TATDN2: variants seen among roughly 807,000 people sequenced by gnomAD.
TATDN2 encodes TatD DNase domain containing 2, also known as 3'-5' RNA nuclease TATDN2.
Under a neutral mutation model 60.3 loss-of-function variants are expected in TATDN2, and 44 were observed. The ratio of observed to expected loss-of-function variants is 0.73; its 90% CI spans 0.57 to 0.94. The LOEUF (loss-of-function observed/expected upper bound fraction) is 0.94. TATDN2 is among the 40% of genes least tolerant of loss of function. The pLI, the probability that TATDN2 is intolerant of heterozygous loss-of-function variation, is 0.00. For synonymous variants in TATDN2, 399 were observed against 355.8 expected, an observed-to-expected ratio of 1.12 and a Z score of -1.37; for missense variants, 997 against 948.0, an observed-to-expected ratio of 1.05 and a Z score of -0.68.
At chr3:10,258,791 T>TC (rs1397236188) in intron 2 of TATDN2, among the ~76,000 whole-genome samples, 3 of 152,040 alleles carry the variant, frequency 2.0e-5, no homozygotes, top group Non-Finnish European at 4.4e-5. Flanking sequence ...TCTTTCTACT[T>TC]CCCTGCATTC....
At chr3:10,251,741 C>G (rs554736722) in intron 2 of TATDN2, among the ~76,000 whole-genome samples, 1 of 152,158 alleles carries the variant, frequency 6.6e-6, no homozygotes, top group Admixed American at 6.5e-5. Flanking sequence ...ATTTCCCAGG[C>G]TGAAGTGCAG....
In TATDN2 at chr3:10,270,439, T is replaced by C; in HGVS notation, c.1257T>C (p.Tyr419=). The C allele has an allele frequency of 6.2e-7, 1 of 1,614,198 alleles. No homozygotes were observed. The highest frequency in any genetic ancestry group is 8.5e-7 in the Non-Finnish European group (1 of 1,180,028). ...GKSSRSRMSD[Y]SPNSTGSVQN... ...GCAGCCGGAGCCGCATGAGTGATTATTCCCCCAACTCTACAGGGAGTGTCC... is the reference window on the plus strand; with the variant it reads ...GCAGCCGGAGCCGCATGAGTGATTACTCCCCCAACTCTACAGGGAGTGTCC... Residue 419 remains tyrosine, a synonymous_variant, in exon 4 of 8, where the codon TAT becomes TAC. Coordinates refer to ENST00000448281, the MANE Select transcript of TATDN2 (RefSeq NM_014760.4).
intron 2 of TATDN2, among the ~76,000 whole-genome samples, chr3:10,250,172 TTTTTTTTTTTC>T (rs1698200087): frequency 6.6e-6 from 1 of 151,760 alleles, no homozygotes; most frequent in Admixed American, 6.6e-5. Context: ...GTGCTAGTTT[TTTTTTTTTTTC>T]TTTTTTTTTT....
At chr3:10,250,361 G>GC in intron 2 of TATDN2, among the ~76,000 whole-genome samples, 1 of 151,926 alleles carries the variant, frequency 6.6e-6, no homozygotes, top group Admixed American at 6.6e-5. Flanking sequence ...CAATGTTCTA[G>GC]GTGTTTGGGA....
chr3:10,278,767 G>T lies in TATDN2; in HGVS notation c.2146-118G>T. The T allele has an allele frequency of 6.8e-7, 1 of 1,479,390 alleles. No individual in the cohort carries two copies. Among genetic ancestry groups the T allele is most frequent in the Non-Finnish European group, 9.3e-7 (1 of 1,079,140 alleles). The allele number at this position is 1,479,390 out of a possible 1,614,324, so 91.6% of individuals were successfully genotyped here. A position where few individuals can be genotyped will look rare whatever the true frequency, so the allele number is the denominator to read the frequency against. ...ACTCTCCCTGCACCTGCAGGTAAAG[G>T]GGTCTCTACAGGGCAGCCCCAAAGA... is the stretch of plus-strand genomic sequence containing the variant. On this transcript the variant is annotated intron_variant, in intron 6 of 7. Transcript: ENST00000448281. This position sits in a 1 kb window ranked among gnomAD's most constrained non-coding sequence, Gnocchi z 4.7.
chr3:10,259,972 G>T (rs1698374688), intron 2 of TATDN2, among the ~76,000 whole-genome samples, 165 bp from the exon 3 acceptor site: 1 of 152,224 alleles, frequency 6.6e-6, no homozygotes, highest in Non-Finnish European at 1.5e-5. Flanking sequence ...GCAGCAATCA[G>T]CCCCTCTTAC....
intron 2 of TATDN2, among the ~76,000 whole-genome samples, chr3:10,253,921 C>T (rs421428): frequency 0.47 from 71,750 of 152,096 alleles, 18,465 homozygotes; most frequent in East Asian, 0.97. Context: ...CCAGTGTTCT[C>T]TGCACTGCTG....
At chr3:10,252,187 T>C (rs1698241714) in intron 2 of TATDN2, among the ~76,000 whole-genome samples, 1 of 147,942 alleles carries the variant, frequency 6.8e-6, no homozygotes. Flanking sequence ...TTTGTAGAGA[T>C]GAAGATCTCA....
chr3:10,275,439 A>G (rs1260470120), intron 4 of TATDN2, among the ~76,000 whole-genome samples: 1 of 152,078 alleles, frequency 6.6e-6, no homozygotes, highest in African/African-American at 2.4e-5. Flanking sequence ...AGGATACGCG[A>G]TTTTGATTGA....
intron 3 of TATDN2, among the ~76,000 whole-genome samples, chr3:10,268,310 G>T (rs1207742086): frequency 6.6e-6 from 1 of 152,206 alleles, no homozygotes; most frequent in Non-Finnish European, 1.5e-5. Flanking sequence ...TTAGGGGTAT[G>T]AAATATTAGT....
At chr3:10,249,936 A>C (rs1032422326) in intron 2 of TATDN2, among the ~76,000 whole-genome samples, 6 of 152,204 alleles carry the variant, frequency 3.9e-5, no homozygotes, top group Admixed American at 6.5e-5. Flanking sequence ...CAGATTTTTC[A>C]GTGCTCCCCA....
chr3:10,268,078 G>A (rs1277232025), intron 3 of TATDN2, among the ~76,000 whole-genome samples: 1 of 152,204 alleles, frequency 6.6e-6, no homozygotes, highest in Non-Finnish European at 1.5e-5. Context: ...ACAGAATAGT[G>A]TATTGAATCA....
intron 2 of TATDN2, among the ~76,000 whole-genome samples, chr3:10,252,137 GAC>G (rs1379553755): frequency 8.3e-6 from 1 of 120,416 alleles, no homozygotes; most frequent in African/African-American, 3.3e-5. Context: ...AACAGAGTGA[GAC>G]TCAGTCTCAA....
Position 10,260,687 on chromosome 3 carries a change from C to T in TATDN2, c.948+17C>T. The T allele has an allele frequency of 6.3e-7, 1 of 1,598,156 alleles. No individual in the cohort carries two copies. Among genetic ancestry groups the T allele is most frequent in the Non-Finnish European group, 8.5e-7 (1 of 1,172,324 alleles). ...ATCCAAAAGGTGAGTAAAGCTTGTA[C>T]CAGGCATCTGACTTTTTAGTTCTGT... On this transcript the variant is annotated intron_variant, in intron 3 of 7. Transcript: ENST00000448281.
chr3:10,265,537 C>A (rs1404320873), intron 3 of TATDN2, among the ~76,000 whole-genome samples: 2 of 150,114 alleles, frequency 1.3e-5, no homozygotes, highest in East Asian at 2.0e-4. Context: ...AAAAAATTAG[C>A]CAGGTATGGT....
intron 4 of TATDN2, 112 bp from the exon 5 acceptor site, chr3:10,276,249 A>G (rs868403274): frequency 1.8e-5 from 24 of 1,312,818 alleles, no homozygotes; most frequent in African/African-American, 1.5e-5. Flanking sequence ...ATTACATTAT[A>G]TAGTTAAAAA....
intron 2 of TATDN2, among the ~76,000 whole-genome samples, chr3:10,252,412 C>A (rs535259467): frequency 6.6e-6 from 1 of 152,126 alleles, no homozygotes; most frequent in African/African-American, 2.4e-5. Context: ...CCCTGATTGT[C>A]CATCTCTAGG....
intron 3 of TATDN2, among the ~76,000 whole-genome samples, chr3:10,264,427 T>A (rs1698449768): frequency 6.6e-6 from 1 of 152,166 alleles, no homozygotes; most frequent in Admixed American, 6.5e-5. Flanking sequence ...TTTTATTTGT[T>A]TTTTGTTTGG....
At chr3:10,257,799 T>TAGATGTCTATA (rs1698333761) in intron 2 of TATDN2, among the ~76,000 whole-genome samples, 1 of 144,460 alleles carries the variant, frequency 6.9e-6, no homozygotes, top group Non-Finnish European at 1.5e-5. Flanking sequence ...TTCAGGAAAA[T>TAGATGTCTATA]AGATGTCTAT....
Sources: allele counts gnomAD v4.1 joint callset (sites outside exome capture counted in the v4.1 genomes callset), GRCh38; gene constraint gnomAD v4.1.1; non-coding constraint Gnocchi (gnomAD v3.1); transcripts MANE v1.5; gene names NCBI Gene and HGNC (gene_info 2026-07-23, HGNC 2026-07-21).